The following EFCAB6 variants were observed in gnomAD, a reference collection of about 807,000 sequenced individuals.
The protein encoded by EFCAB6 is EF-hand calcium binding domain 6, also known as EF-hand calcium-binding domain-containing protein 6.
EFCAB6 carries 156 observed loss-of-function variants against 169.8 expected under a neutral mutation model. The ratio of observed to expected loss-of-function variants is 0.92; its 90% CI spans 0.81 to 1.05. EFCAB6 has a LOEUF of 1.05. Among genes scored for constraint, EFCAB6 ranks in the 50% least tolerant of loss-of-function variants. EFCAB6 has a pLI of 0.00. For synonymous variants in EFCAB6, 698 were observed against 676.4 expected (o/e 1.03, Z -0.50); for missense variants, 1,800 against 1,829.1 (o/e 0.98, Z 0.29).
chr22:43,667,975 G>A (rs760535780), intron 16 of EFCAB6, among the ~76,000 whole-genome samples: 4 of 152,238 alleles, frequency 2.6e-5, no homozygotes, highest in Non-Finnish European at 4.4e-5. Context: ...TGCGTCTCCT[G>A]ATTTTTAAGA....
intron 2 of EFCAB6, 98 bp downstream of exon 2, chr22:43,808,897 G>A (rs1298803685): frequency 2.0e-5 from 3 of 152,168 alleles, no homozygotes; most frequent in African/African-American, 7.2e-5. Context: ...AAGTAAATGA[G>A]CAAACAAATG....
intron 24 of EFCAB6, among the ~76,000 whole-genome samples, chr22:43,589,110 C>A (rs2051271811): frequency 6.6e-6 from 1 of 151,548 alleles, no homozygotes; most frequent in South Asian, 2.1e-4. Context: ...GCAATATATG[C>A]CTGTCACTTA....
chr22:43,614,530 A>C (rs879612782), intron 21 of EFCAB6, among the ~76,000 whole-genome samples: 7 of 152,246 alleles, frequency 4.6e-5, no homozygotes, highest in Non-Finnish European at 1.0e-4. Context: ...AACTCTCGTA[A>C]GACGGCATAA....
intron 10 of EFCAB6, among the ~76,000 whole-genome samples, chr22:43,696,696 A>G (rs1209725955): frequency 1.3e-5 from 2 of 152,216 alleles, no homozygotes; most frequent in Admixed American, 6.5e-5. Flanking sequence ...GTCAAACACA[A>G]AAGACTACCA....
Position 43,554,854 on chromosome 22 carries a change from A to G in EFCAB6, c.3648+15T>C. On this transcript the variant is annotated intron_variant, in intron 27 of 31. Transcript: ENST00000262726. ...CCAACGGTGTGCAGGGTGAGGACTG[A>G]CTGGCGTTTCTTACCTGTTCGTCCG... The G allele has an allele frequency of 6.2e-7, 1 of 1,612,616 alleles. No individual in the cohort carries two copies. The highest frequency in any genetic ancestry group is 8.5e-7 in the Non-Finnish European group (1 of 1,178,584).
intron 19 of EFCAB6, among the ~76,000 whole-genome samples, chr22:43,629,787 A>AAGGGTGAG (rs2054799684): frequency 6.6e-6 from 1 of 152,086 alleles, no homozygotes; most frequent in African/African-American, 2.4e-5. Context: ...AGAGGCAGGA[A>AAGGGTGAG]AGGGTGAGGG....
intron 17 of EFCAB6, among the ~76,000 whole-genome samples, chr22:43,639,813 C>T (rs1260948477): frequency 1.3e-5 from 2 of 152,002 alleles, no homozygotes; most frequent in Non-Finnish European, 2.9e-5. Flanking sequence ...GATTGTGAGA[C>T]ACTATTCTCT....
chr22:43,545,411 T>TG (rs1231187211), intron 27 of EFCAB6, among the ~76,000 whole-genome samples: 1 of 152,228 alleles, frequency 6.6e-6, no homozygotes, highest in East Asian at 1.9e-4. Flanking sequence ...ACCCAGTTGA[T>TG]GGATACATAT....
At chr22:43,573,027 C>A (rs924354898) in intron 26 of EFCAB6, among the ~76,000 whole-genome samples, 8 of 152,172 alleles carry the variant, frequency 5.3e-5, no homozygotes, top group Non-Finnish European at 1.2e-4. Flanking sequence ...AGAGAACAGG[C>A]CAGGGGACCC....
In EFCAB6 at chr22:43,537,567, G is replaced by T; in HGVS notation, c.3880-22C>A. 1 of 1,583,410 alleles carries T rather than the reference G, an allele frequency of 6.3e-7. No individual in the cohort carries two copies. The highest frequency in any genetic ancestry group is 8.6e-7 in the Non-Finnish European group (1 of 1,161,772). On this transcript the variant is annotated intron_variant, in intron 28 of 31. Coordinates refer to ENST00000262726, the MANE Select transcript of EFCAB6 (RefSeq NM_022785.4). This position sits in a 1 kb window ranked among gnomAD's most constrained non-coding sequence, Gnocchi z 4.3. ...GAGTCTAGCAGGGAAGAAAAGAAAA[G>T]GCTCTTTTCACTTAAGATTTAAAAC...
chr22:43,659,899 G>A (rs1260110403), intron 17 of EFCAB6, among the ~76,000 whole-genome samples: 1 of 152,202 alleles, frequency 6.6e-6, no homozygotes, highest in Non-Finnish European at 1.5e-5. Flanking sequence ...CTGCCGTAGA[G>A]CAGGCACAGG....
chr22:43,661,145 C>T (rs1273614187), intron 17 of EFCAB6, among the ~76,000 whole-genome samples: 1 of 152,136 alleles, frequency 6.6e-6, no homozygotes, highest in Admixed American at 6.5e-5. Flanking sequence ...GAAGCCAACA[C>T]AGGAGGATTT....
At chr22:43,569,122 G>A (rs1252999155) in intron 26 of EFCAB6, among the ~76,000 whole-genome samples, 2 of 152,224 alleles carry the variant, frequency 1.3e-5, no homozygotes, top group African/African-American at 4.8e-5. Flanking sequence ...GGGAACCGGG[G>A]TTGGAGGGGG....
intron 5 of EFCAB6, among the ~76,000 whole-genome samples, chr22:43,764,819 C>CAAAAAAAAA (rs906722115): frequency 7.0e-6 from 1 of 142,744 alleles, no homozygotes; most frequent in Non-Finnish European, 1.5e-5. Context: ...GCTCATGTTG[C>CAAAAAAAAA]AAAAAAAAAA....
At chr22:43,732,766 C>T (rs943382666) in intron 7 of EFCAB6, among the ~76,000 whole-genome samples, 5 of 152,026 alleles carry the variant, frequency 3.3e-5, no homozygotes, top group African/African-American at 7.2e-5. Context: ...TGTGCCCAGC[C>T]GAGATAACCT....
intron 10 of EFCAB6, among the ~76,000 whole-genome samples, chr22:43,705,403 T>C (rs1046096766): frequency 6.6e-6 from 1 of 152,070 alleles, no homozygotes; most frequent in Admixed American, 6.5e-5. Flanking sequence ...GAACATTCTA[T>C]CTCACAGCAA....
intron 25 of EFCAB6, 33 bp downstream of exon 25, chr22:43,580,431 T>C (rs757908111): frequency 1.2e-6 from 2 of 1,605,362 alleles, no homozygotes; most frequent in East Asian, 4.5e-5. Context: ...TCAAGATGAG[T>C]TTTCACAGTA....
At chr22:43,725,134 C>CTTTTT (rs33983375) in intron 8 of EFCAB6, among the ~76,000 whole-genome samples, 4 of 94,684 alleles carry the variant, frequency 4.2e-5, no homozygotes, top group Non-Finnish European at 6.1e-5. Context: ...GCCAAACTGG[C>CTTTTT]TTTTTTTTTT....
chr22:43,558,349 A>C (rs1413004420), intron 26 of EFCAB6, among the ~76,000 whole-genome samples: 1 of 152,212 alleles, frequency 6.6e-6, no homozygotes, highest in East Asian at 1.9e-4. Context: ...ATTAATGACA[A>C]AGCAATTGAA....
Sources: gnomAD v4.1 joint callset for allele counts (sites outside exome capture counted in the v4.1 genomes callset) on GRCh38, gnomAD v4.1.1 for gene constraint, Gnocchi (gnomAD v3.1) non-coding constraint, MANE v1.5 for transcripts, NCBI Gene and HGNC (gene_info 2026-07-23, HGNC 2026-07-21) for gene names.